NUP210L: variants seen among roughly 807,000 people sequenced by gnomAD.
NUP210L encodes the protein nuclear pore membrane glycoprotein 210-like.
NUP210L carries 74 observed loss-of-function variants against 208.5 expected under a neutral mutation model. The observed-to-expected ratio is 0.35, with a 90% CI of 0.29 to 0.43. NUP210L has a LOEUF of 0.43. NUP210L is among the 20% of genes least tolerant of loss of function. NUP210L has a pLI of 1.00. For missense variants in NUP210L, 1,843 were observed against 2,289.4 expected (o/e 0.81, Z 3.98); for synonymous variants, 780 against 816.9 (o/e 0.95, Z 0.77).
intron 5 of NUP210L, among the ~76,000 whole-genome samples, 165 bp downstream of exon 5, chr1:154,139,637 T>C (rs1320725091): frequency 6.7e-6 from 1 of 149,618 alleles, no homozygotes; most frequent in Non-Finnish European, 1.5e-5. Context: ...GAGACCAGCC[T>C]GGGCAACCTG....
chr1:154,126,244 A>AT, intron 10 of NUP210L, 79 bp downstream of exon 10: 1 of 1,262,684 alleles, frequency 7.9e-7, no homozygotes, highest in Non-Finnish European at 1.1e-6. Flanking sequence ...TATATGCTAT[A>AT]TATCTGCTTG....
chr1:154,058,323 C>T (rs1653978506), intron 21 of NUP210L, 107 bp from the exon 22 acceptor site: 2 of 1,241,506 alleles, frequency 1.6e-6, no homozygotes, highest in African/African-American at 3.0e-5. Context: ...CTAAATGATC[C>T]TGGTCAGCCT....
At chr1:154,020,956 T>A (rs936965463) in intron 32 of NUP210L, among the ~76,000 whole-genome samples, 1 of 151,798 alleles carries the variant, frequency 6.6e-6, no homozygotes, top group Non-Finnish European at 1.5e-5. Flanking sequence ...ATTTATTTAT[T>A]TTTTGAGATG....
intron 17 of NUP210L, among the ~76,000 whole-genome samples, chr1:154,065,956 C>T (rs910458777): frequency 1.4e-5 from 2 of 141,746 alleles, no homozygotes; most frequent in Non-Finnish European, 3.1e-5. Flanking sequence ...CTCAGATATA[C>T]GATTAAGAAA....
chr1:153,995,894 TCTC>T, intron 37 of NUP210L: 1 of 551,212 alleles, frequency 1.8e-6, no homozygotes, highest in Non-Finnish European at 3.5e-6. Context: ...TCAAGTGTGC[TCTC>T]CTTATCGAGG....
intron 12 of NUP210L, among the ~76,000 whole-genome samples, chr1:154,109,087 T>G (rs532634502): frequency 1.3e-5 from 2 of 150,772 alleles, no homozygotes; most frequent in African/African-American, 4.9e-5. Context: ...GCAACAAGAG[T>G]GAAACTCCAT....
chr1:154,083,069 G>A (rs1655431409), intron 16 of NUP210L, among the ~76,000 whole-genome samples: 2 of 152,210 alleles, frequency 1.3e-5, no homozygotes, highest in Admixed American at 6.5e-5. Context: ...GAAGCAGCAA[G>A]ATTTACTGTG....
chr1:154,088,148 G>A (rs1655721559), intron 16 of NUP210L, among the ~76,000 whole-genome samples: 1 of 151,982 alleles, frequency 6.6e-6, no homozygotes, highest in Admixed American at 6.6e-5. Context: ...GACCAGCCTG[G>A]GCAACATGGC....
intron 16 of NUP210L, among the ~76,000 whole-genome samples, chr1:154,078,126 G>A (rs1406107337): frequency 6.6e-6 from 1 of 150,782 alleles, no homozygotes; most frequent in Non-Finnish European, 1.5e-5. Flanking sequence ...GCAACACAGC[G>A]AGACCTCATC....
intron 16 of NUP210L, chr1:154,079,341 A>T (rs1159544564): frequency 6.6e-6 from 1 of 152,110 alleles, no homozygotes; most frequent in African/African-American, 2.4e-5. Flanking sequence ...CCAGGCTAGG[A>T]GCAAACTCCT....
At chr1:154,070,567 T>A in intron 16 of NUP210L, 102 bp from the exon 17 acceptor site, 1 of 804,580 alleles carries the variant, frequency 1.2e-6, no homozygotes, top group Non-Finnish European at 1.8e-6. Flanking sequence ...CTCTCAATAT[T>A]TTTACCTTAA....
intron 17 of NUP210L, among the ~76,000 whole-genome samples, chr1:154,068,881 C>T (rs1159289990): frequency 1.3e-5 from 2 of 151,886 alleles, no homozygotes; most frequent in Non-Finnish European, 2.9e-5. Context: ...TGCCAAATGA[C>T]GAGTTAATGG....
chr1:154,126,272 C>T (rs1441327798), intron 10 of NUP210L, 51 bp downstream of exon 10: 2 of 1,535,532 alleles, frequency 1.3e-6, no homozygotes, highest in African/African-American at 2.8e-5. Context: ...ACAAGTCAGC[C>T]AAGCCTCTTC....
intron 19 of NUP210L, 149 bp downstream of exon 19, chr1:154,060,793 T>A: frequency 1.3e-6 from 1 of 746,182 alleles, no homozygotes; most frequent in South Asian, 1.8e-5. Context: ...GTACAATTTT[T>A]AAGGACAGTG....
chr1:154,028,440 AGCCAG>A (rs1242478394), intron 28 of NUP210L, among the ~76,000 whole-genome samples: 1 of 152,106 alleles, frequency 6.6e-6, no homozygotes, highest in East Asian at 1.9e-4. Flanking sequence ...TACAAAAAGT[AGCCAG>A]GCATGGTGGC....
At chr1:154,026,970 C>T (rs925869114) in intron 29 of NUP210L, among the ~76,000 whole-genome samples, 12 of 151,120 alleles carry the variant, frequency 7.9e-5, no homozygotes, top group Admixed American at 6.6e-4. Context: ...GTAATCCCAG[C>T]TACTCAGGAG....
intron 10 of NUP210L, among the ~76,000 whole-genome samples, chr1:154,119,354 G>A (rs951188934): frequency 5.3e-5 from 8 of 152,024 alleles, no homozygotes; most frequent in African/African-American, 1.9e-4. Flanking sequence ...TTGGGAGGAC[G>A]AGGTGGGTGG....
At chr1:154,109,762 C>A (rs1656948793) in intron 12 of NUP210L, among the ~76,000 whole-genome samples, 1 of 151,368 alleles carries the variant, frequency 6.6e-6, no homozygotes, top group Non-Finnish European at 1.5e-5. Flanking sequence ...GGAAACTATA[C>A]AAACACATTG....
Position 154,089,468 on chromosome 1 carries a change from G to A in NUP210L, c.2314C>T (p.Pro772Ser), listed in dbSNP as rs369307403. The A allele has an allele frequency of 4.3e-5, 69 of 1,613,996 alleles. No homozygotes were observed. The Admixed American group carries it at 5.7e-4, about 13-fold the overall frequency. ...AGAGGACATGGCTGGGCACCAGCTG[G>A]CACCTTGTATACTGGAGTTACTGAC... The change falls in exon 16 of 40, where the codon CCA becomes TCA. Residue 772 changes from proline (P) to serine (S), a missense_variant. Physicochemically the swap from Pro to Ser is moderately conservative, Grantham distance 74 (BLOSUM62 -1). This residue lies in a region of NUP210L where 408 missense variants were observed against 600.8 expected (regional missense o/e 0.68). Coordinates refer to ENST00000368559, the Ensembl canonical transcript of NUP210L.
Sources: allele counts gnomAD v4.1 joint callset (sites outside exome capture counted in the v4.1 genomes callset), GRCh38; gene constraint gnomAD v4.1.1; regional missense constraint gnomAD v4.1.1; transcripts MANE v1.5; gene names NCBI Gene and HGNC (gene_info 2026-07-23, HGNC 2026-07-21).